The following CACNA1E variants were observed in gnomAD, a reference collection of about 807,000 sequenced individuals.
CACNA1E encodes calcium voltage-gated channel subunit alpha1 E, also known as voltage-dependent R-type calcium channel subunit alpha-1E.
A neutral mutation model predicts 259.2 loss-of-function variants in CACNA1E; 40 were observed. The ratio of observed to expected loss-of-function variants is 0.15; its 90% CI spans 0.12 to 0.20. CACNA1E has a LOEUF of 0.20. CACNA1E is among the 10% of genes least tolerant of loss of function. The probability of loss-of-function intolerance (pLI) is 1.00; values close to 1 mark genes in which losing one functional copy is unlikely to be tolerated. For missense variants in CACNA1E, 1,874 were observed against 3,040.1 expected (o/e 0.62, Z 9.02); for synonymous variants, 1,104 against 1,138.5 (o/e 0.97, Z 0.61).
intron 1 of CACNA1E, among the ~76,000 whole-genome samples, chr1:181,492,347 G>A (rs1404811042): frequency 2.6e-5 from 4 of 152,138 alleles, no homozygotes; most frequent in Admixed American, 6.5e-5. Context: ...TTTGAGCTTT[G>A]TGTGATTTAT....
intron 6 of CACNA1E, among the ~76,000 whole-genome samples, chr1:181,582,944 C>A (rs1045324960): frequency 3.9e-5 from 6 of 152,056 alleles, no homozygotes; most frequent in Non-Finnish European, 7.4e-5. Context: ...TGTCCAGGGC[C>A]CACAGACTCA....
chr1:181,551,873 T>TC (rs1648202621), intron 3 of CACNA1E, among the ~76,000 whole-genome samples: 1 of 150,392 alleles, frequency 6.6e-6, no homozygotes, highest in South Asian at 2.1e-4. Flanking sequence ...TCCCTCATTC[T>TC]CTCCATCTTT....
At chr1:181,534,648 A>G (rs908619890) in intron 3 of CACNA1E, among the ~76,000 whole-genome samples, 2 of 152,094 alleles carry the variant, frequency 1.3e-5, no homozygotes, top group Non-Finnish European at 2.9e-5. Flanking sequence ...CCCCAAAACT[A>G]TTGAAATAAA....
At chr1:181,641,382 C>T (rs1657731027) in intron 6 of CACNA1E, among the ~76,000 whole-genome samples, 1 of 152,222 alleles carries the variant, frequency 6.6e-6, no homozygotes, top group African/African-American at 2.4e-5. Flanking sequence ...ATGATCTGAT[C>T]CTTCAGGTCT....
In CACNA1E at chr1:181,585,704, G is replaced by A. The variant is rs189262229; in HGVS notation, c.951+4928G>A. 2.6e-5 allele frequency among the ~76,000 whole-genome samples: 4 copies of A among 152,294 alleles called. No homozygotes were observed. The East Asian group carries it at 7.7e-4, about 29-fold the overall frequency. ...AGGGAGTGGGCCATGTGGTTATCTGGGGGAAGAGTCTCCTGAGTCCCAGAT... is the reference window on the plus strand; with the variant it reads ...AGGGAGTGGGCCATGTGGTTATCTGAGGGAAGAGTCTCCTGAGTCCCAGAT... On this transcript the variant is annotated intron_variant, in intron 6 of 47. Transcript: ENST00000367573.
intron 6 of CACNA1E, among the ~76,000 whole-genome samples, chr1:181,637,876 G>A (rs1428264297): frequency 2.6e-5 from 4 of 152,136 alleles, no homozygotes; most frequent in Non-Finnish European, 5.9e-5. Flanking sequence ...TAGGCAGTGG[G>A]GACAACATGA....
intron 25 of CACNA1E, among the ~76,000 whole-genome samples, chr1:181,745,098 G>A (rs1656940958): frequency 6.6e-6 from 1 of 152,150 alleles, no homozygotes. Flanking sequence ...GAGTTTGGGA[G>A]GGAGTAAGGA....
At chr1:181,434,290 C>A (rs527295148) in intron 2 of CACNA1E, among the ~76,000 whole-genome samples, 6 of 152,248 alleles carry the variant, frequency 3.9e-5, no homozygotes, top group African/African-American at 1.2e-4. Flanking sequence ...GTTAGTTTTA[C>A]CATTTCCCTA....
At chr1:181,413,742 G>A (rs1439923109) in intron 2 of CACNA1E, among the ~76,000 whole-genome samples, 1 of 152,200 alleles carries the variant, frequency 6.6e-6, no homozygotes, top group Non-Finnish European at 1.5e-5. Flanking sequence ...TGAGGTCCTC[G>A]TGGTCAGTCC....
intron 7 of CACNA1E, among the ~76,000 whole-genome samples, chr1:181,675,795 C>T (rs368270464): frequency 7.2e-5 from 11 of 152,318 alleles, no homozygotes; most frequent in East Asian, 3.9e-4. Flanking sequence ...GCGGGATTGC[C>T]GTCAGGGGTT....
In CACNA1E at chr1:181,698,596, C is replaced by T. The variant is rs192914237; in HGVS notation, c.1056-12358C>T. Among the ~76,000 whole-genome samples the T allele has an allele frequency of 3.3e-5, 5 of 152,134 alleles. No individual in the cohort carries two copies. In the East Asian group the frequency reaches 7.7e-4, roughly 23 times the overall value. On this transcript the variant is annotated intron_variant, in intron 7 of 47. Coordinates refer to ENST00000367573, the MANE Select transcript of CACNA1E (RefSeq NM_001205293.3). Reference sequence around the variant, plus strand: ...TTAATCGTCTTTCATGGCATTTTGTCACTGTCATTGTATATGTATTGTACG... The same window carrying T: ...TTAATCGTCTTTCATGGCATTTTGTTACTGTCATTGTATATGTATTGTACG...
chr1:181,398,586 G>A (rs1178847977), intron 1 of CACNA1E, among the ~76,000 whole-genome samples: 9 of 152,202 alleles, frequency 5.9e-5, no homozygotes, highest in Admixed American at 2.6e-4. Context: ...GATTCAAAGC[G>A]CAGGAACTCT....
At chr1:181,652,227 G>C (rs1454406799) in intron 7 of CACNA1E, 2 of 152,170 alleles carry the variant, frequency 1.3e-5, no homozygotes, top group Admixed American at 6.5e-5. Flanking sequence ...GGAGTGTGAA[G>C]AAATTATAAT....
rs1422388589 is a variant in CACNA1E, at chr1:181,732,338, G to A, written c.2298-46G>A. On this transcript the variant is annotated intron_variant, in intron 19 of 47. Transcript: ENST00000367573. The surrounding 1 kb of genome is among the most constrained non-coding windows in gnomAD (Gnocchi z 5.5). The stretch of plus-strand genomic sequence containing the variant: ...GCCCCTGTGGCCACCCTCCCTGCCT[G>A]CAGCTTCTGGGCTCTGACCGCGGCC... The A allele has an allele frequency of 2.7e-6, 4 of 1,463,498 alleles. No individual in the cohort carries two copies. The South Asian group carries it at 4.3e-5, about 16-fold the overall frequency. 90.7% of individuals were successfully genotyped at this position (1,463,498 alleles called of 1,614,324 possible).
chr1:181,704,319 G>GTTC (rs1485096744), intron 7 of CACNA1E, among the ~76,000 whole-genome samples: 5 of 152,106 alleles, frequency 3.3e-5, no homozygotes, highest in African/African-American at 9.7e-5. Context: ...CATTGAAGAG[G>GTTC]CTCACCCTAA....
intron 1 of CACNA1E, among the ~76,000 whole-genome samples, chr1:181,507,677 G>A (rs59960272): frequency 0.14 from 22,021 of 152,178 alleles, 1,676 homozygotes; most frequent in Non-Finnish European, 0.17. Flanking sequence ...TTTGAAGCCT[G>A]TGCTTATCAC....
At chr1:181,599,628 T>C (rs1210407814) in intron 6 of CACNA1E, among the ~76,000 whole-genome samples, 5 of 152,264 alleles carry the variant, frequency 3.3e-5, no homozygotes, top group Admixed American at 3.3e-4. Context: ...GGTGCAGGGA[T>C]GTCTACTATT....
rs1648067031 is a variant in CACNA1E, at chr1:181,550,900, G to A, written c.513-26866G>A. On this transcript the variant is annotated intron_variant, in intron 3 of 47. Coordinates refer to ENST00000367573, the MANE Select transcript of CACNA1E (RefSeq NM_001205293.3). ...GGTGCCTTAATTTTAGCAAGGCTCT[G>A]AGCCCCTTGGAAGGCAAGCTTTATT... Among the ~76,000 whole-genome samples, 6 of 152,102 alleles carry A rather than the reference G, an allele frequency of 3.9e-5. No individual in the cohort carries two copies. The South Asian group carries it at 1.2e-3, about 32-fold the overall frequency.
chr1:181,684,111 G>A (rs536118936), intron 7 of CACNA1E, among the ~76,000 whole-genome samples: 2 of 152,186 alleles, frequency 1.3e-5, no homozygotes, highest in South Asian at 2.1e-4. Flanking sequence ...CAGTGTATAC[G>A]CGTTCCCTTT....
Sources: gnomAD v4.1 joint callset for allele counts (sites outside exome capture counted in the v4.1 genomes callset) on GRCh38, gnomAD v4.1.1 for gene constraint, Gnocchi (gnomAD v3.1) non-coding constraint, MANE v1.5 for transcripts, NCBI Gene and HGNC (gene_info 2026-07-23, HGNC 2026-07-21) for gene names.